The following AKAP1 variants were observed in gnomAD, a reference collection of about 807,000 sequenced individuals.
AKAP1 encodes A-kinase anchoring protein 1.
In AKAP1, 32 loss-of-function variants were observed where a neutral mutation model predicts 79.8. That is an observed-to-expected ratio of 0.40 (90% CI 0.30 to 0.54). The LOEUF (loss-of-function observed/expected upper bound fraction) is 0.54. Among genes scored for constraint, AKAP1 ranks in the 20% least tolerant of loss-of-function variants. The pLI, the probability that AKAP1 is intolerant of heterozygous loss-of-function variation, is 0.47. For missense variants in AKAP1, 961 were observed against 1,138.9 expected, an observed-to-expected ratio of 0.84 and a Z score of 2.25; for synonymous variants, 416 against 466.7, an observed-to-expected ratio of 0.89 and a Z score of 1.40.
rs891194512 is a variant in AKAP1 at position 57,118,451 on chromosome 17, T to C, written c.2571T>C (p.Ala857=). ...SEMTGNTALL[A]QVTSYSPTGL... is the part of the protein sequence containing the mutation. ...TGACGGGGAATACAGCACTGCTTGC[T>C]CAGGTGTGTGGTTGGCAGGGGTGGG... The change falls in exon 9 of 11, where the codon GCT becomes GCC. Residue 857 remains alanine, a synonymous_variant. Transcript: ENST00000337714. 7 of 1,613,652 alleles carry C rather than the reference T, an allele frequency of 4.3e-6. No homozygotes were observed. The highest frequency in any genetic ancestry group is 5.1e-6 in the Non-Finnish European group (6 of 1,179,860).
In AKAP1 at chr17:57,105,524, C is replaced by T. The variant is rs867529780; in HGVS notation, c.60C>T (p.Leu20=). The T allele has an allele frequency of 1.9e-5, 30 of 1,614,004 alleles. No homozygotes were observed. The Middle Eastern group carries it at 3.3e-3, about 177-fold the overall frequency. Residue 20 remains leucine (L), a synonymous_variant, in exon 2 of 11, where the codon CTC becomes CTT. Transcript: ENST00000337714. ...PLALPGMLAL[L]GWWWFFSRKK... ...CATTGCCTGGGATGCTGGCGCTCCT[C>T]GGCTGGTGGTGGTTTTTCTCTCGTA...
chr17:57,089,876 A>G (rs902251242), intron 1 of AKAP1, among the ~76,000 whole-genome samples: 2 of 152,238 alleles, frequency 1.3e-5, no homozygotes, highest in Non-Finnish European at 2.9e-5. Context: ...CTAAGCCCTT[A>G]GAAAGCCCTT....
Position 57,114,637 on chromosome 17 carries a change from G to T in AKAP1, c.2281+1G>T. The T allele has an allele frequency of 2.5e-6, 4 of 1,613,250 alleles. No homozygotes were observed. The highest frequency in any genetic ancestry group is 3.4e-6 in the Non-Finnish European group (4 of 1,179,596). ...CCCACCTTGCCCACCCCAGTGGAAA[G>T]TAAGCAGTGCCCTGAGGGGTCGGGA... is the stretch of plus-strand genomic sequence containing the variant. On this transcript the variant is annotated splice_donor_variant, in intron 6 of 10. Coordinates refer to ENST00000337714, the MANE Select transcript of AKAP1 (RefSeq NM_003488.4). LOFTEE classifies it high-confidence loss of function.
chr17:57,100,440 C>CACACAG (rs1482050137), intron 1 of AKAP1, among the ~76,000 whole-genome samples: 1 of 148,420 alleles, frequency 6.7e-6, no homozygotes, highest in Non-Finnish European at 1.5e-5. Flanking sequence ...CACACACACA[C>CACACAG]ACACACGCAC....
chr17:57,119,972 C>T (rs1915830723), intron 10 of AKAP1, among the ~76,000 whole-genome samples: 5 of 151,424 alleles, frequency 3.3e-5, no homozygotes, highest in Admixed American at 3.3e-4. Flanking sequence ...ATTACAGGTG[C>T]CTGCCACCAC....
intron 8 of AKAP1, among the ~76,000 whole-genome samples, 185 bp from the exon 9 acceptor site, chr17:57,118,196 A>G (rs1310888944): frequency 2.0e-5 from 3 of 151,952 alleles, no homozygotes; most frequent in African/African-American, 7.3e-5. Context: ...CCCTTAGTTT[A>G]TCCACTGGGA....
intron 8 of AKAP1, among the ~76,000 whole-genome samples, chr17:57,117,718 A>T (rs187399383): frequency 1.3e-5 from 2 of 152,096 alleles, no homozygotes; most frequent in Non-Finnish European, 2.9e-5. Flanking sequence ...CATCTAAGCG[A>T]TCTGTCCAGA....
At chr17:57,119,923 C>T (rs147609381) in intron 10 of AKAP1, among the ~76,000 whole-genome samples, 73 of 143,840 alleles carry the variant, frequency 5.1e-4, no homozygotes, top group East Asian at 2.1e-3. Flanking sequence ...CCTCCGCCTC[C>T]GGGGTTCAAG....
Position 57,106,913 on chromosome 17 carries a change from A to G in AKAP1, c.1449A>G (p.Glu483=). The change falls in exon 2 of 11, where the codon GAA becomes GAG. Residue 483 remains glutamate, a synonymous_variant. Coordinates refer to ENST00000337714, the MANE Select transcript of AKAP1 (RefSeq NM_003488.4). ...ELPDRAGILV[E]DATCVTCMSD... ...CGGACCGGGCAGGCATCCTGGTGGA[A>G]GATGCCACCTGTGTCACCTGCATGT... is the stretch of plus-strand genomic sequence containing the variant. The G allele has an allele frequency of 1.9e-6, 3 of 1,613,938 alleles. No individual in the cohort carries two copies. In the South Asian group the frequency reaches 3.3e-5, roughly 18 times the overall value.
chr17:57,113,788 A>G (rs1484036026), intron 5 of AKAP1, among the ~76,000 whole-genome samples: 1 of 151,684 alleles, frequency 6.6e-6, no homozygotes, highest in East Asian at 1.9e-4. Flanking sequence ...TTTTTAGTAG[A>G]GATGGGATTT....
intron 2 of AKAP1, chr17:57,107,935 T>G (rs1387584535): frequency 7.8e-7 from 1 of 1,289,210 alleles, no homozygotes; most frequent in African/African-American, 1.5e-5. Flanking sequence ...AGCCATTTTC[T>G]TTCTGTGCAG....
intron 5 of AKAP1, 116 bp from the exon 6 acceptor site, chr17:57,114,343 G>C: frequency 1.6e-6 from 2 of 1,286,798 alleles, no homozygotes; most frequent in Non-Finnish European, 2.2e-6. Context: ...ATGTTGTCTT[G>C]AGTTGCCCTT....
Position 57,106,288 on chromosome 17 carries a change from C to T in AKAP1, c.824C>T (p.Ala275Val). 1 of 1,614,146 alleles carries T rather than the reference C, an allele frequency of 6.2e-7. No individual in the cohort carries two copies. Among genetic ancestry groups the T allele is most frequent in the Non-Finnish European group, 8.5e-7 (1 of 1,180,040 alleles). ...EKLPSRFIES[A>V]HTELAKDDAA... ...TTGCCAAGTAGGTTCATCGAGTCGG[C>T]TCACACAGAGCTGGCAAAGGACGAT... Residue 275 changes from alanine (A) to valine (V), a missense_variant, in exon 2 of 11, where the codon GCT (alanine) becomes GTT (valine). Physicochemically the swap from Ala to Val is moderately conservative, Grantham distance 64. This residue lies in a region of AKAP1 where 224 missense variants were observed against 210.2 expected (regional missense o/e 1.07). Coordinates refer to ENST00000337714, the MANE Select transcript of AKAP1 (RefSeq NM_003488.4).
At position 57,112,357 on chromosome 17, in the gene AKAP1, T is replaced by TC. The variant is rs1226768981; in HGVS notation, c.1976-134_1976-133insC. 4.7e-6 allele frequency: 5 copies of TC among 1,067,702 alleles called. No homozygotes were observed. The Admixed American group carries it at 7.9e-5, about 17-fold the overall frequency. 66.1% of individuals were successfully genotyped at this position (1,067,702 alleles called of 1,614,324 possible). ...TTCTTCCTAAAGCAGAGCTTAAGTGTTTTGTTACCTCAAAGATGCACTTGA... is the reference window on the plus strand; with the variant it reads ...TTCTTCCTAAAGCAGAGCTTAAGTGTCTTTGTTACCTCAAAGATGCACTTGA... On this transcript the variant is annotated intron_variant, in intron 4 of 10. Transcript: ENST00000337714.
rs1050206215 is a variant in AKAP1, at chr17:57,112,703, A to G, written c.2103+85A>G. 2.6e-6 allele frequency: 4 copies of G among 1,513,662 alleles called. No individual in the cohort carries two copies. The African/African-American group carries it at 5.6e-5, about 21-fold the overall frequency. 93.8% of individuals were successfully genotyped at this position (1,513,662 alleles called of 1,614,324 possible). ...CAAGAAACTCCCCAGACCTCAGGCT[A>G]AGAAGGCCAAGTGCACATGAGTGCC... On this transcript the variant is annotated intron_variant, in intron 5 of 10. Coordinates refer to ENST00000337714, the MANE Select transcript of AKAP1 (RefSeq NM_003488.4).
chr17:57,113,251 C>T (rs1299531569), intron 5 of AKAP1, among the ~76,000 whole-genome samples: 1 of 152,186 alleles, frequency 6.6e-6, no homozygotes, highest in Non-Finnish European at 1.5e-5. Context: ...CATATCCTGC[C>T]GTGTGCCTCT....
At chr17:57,107,228 T>C in intron 2 of AKAP1, 50 bp downstream of exon 2, 1 of 1,534,816 alleles carries the variant, frequency 6.5e-7, no homozygotes, top group Non-Finnish European at 8.8e-7. Flanking sequence ...CCAGTATTTC[T>C]TGGAGAAAGG....
chr17:57,105,087 T>A (rs984333876), intron 1 of AKAP1, among the ~76,000 whole-genome samples: 3 of 152,246 alleles, frequency 2.0e-5, no homozygotes, highest in Non-Finnish European at 4.4e-5. Flanking sequence ...TTTAGAGAAC[T>A]GAGCCACACT....
chr17:57,100,451 A>ACACACACACACACACACACACG, intron 1 of AKAP1, among the ~76,000 whole-genome samples: 1 of 151,818 alleles, frequency 6.6e-6, no homozygotes, highest in African/African-American at 2.4e-5. Context: ...ACACACGCAC[A>ACACACACACACACACACACACG]CACACACACA....
Sources: gnomAD v4.1 joint callset for allele counts (sites outside exome capture counted in the v4.1 genomes callset) on GRCh38, gnomAD v4.1.1 for gene constraint, gnomAD v4.1.1 regional missense constraint, MANE v1.5 for transcripts, NCBI Gene and HGNC (gene_info 2026-07-23, HGNC 2026-07-21) for gene names.